The following SLC6A9 variants were observed in gnomAD, a reference collection of about 807,000 sequenced individuals.
SLC6A9 encodes the protein sodium- and chloride-dependent glycine transporter 1.
A neutral mutation model predicts 70.9 loss-of-function variants in SLC6A9; 31 were observed. That is an observed-to-expected ratio of 0.44 (90% CI 0.33 to 0.59). SLC6A9 has a LOEUF of 0.59. SLC6A9 is among the 20% of genes least tolerant of loss of function. The pLI is 0.04. For missense variants in SLC6A9, 631 were observed against 845.2 expected (o/e 0.75, Z 3.14); for synonymous variants, 310 against 341.3 (o/e 0.91, Z 1.01).
intron 2 of SLC6A9, chr1:44,017,170 T>TCC: frequency 6.3e-7 from 1 of 1,599,610 alleles, no homozygotes; most frequent in Non-Finnish European, 8.5e-7. Context: ...CACTGACGCA[T>TCC]CCCCTGCCTC....
intron 2 of SLC6A9, chr1:44,016,368 G>A (rs991837288): frequency 1.3e-5 from 2 of 152,368 alleles, no homozygotes; most frequent in African/African-American, 2.4e-5. Context: ...ATCCCACATC[G>A]CCTCAGAGGA....
chr1:44,014,006 G>A (rs2086658924), intron 2 of SLC6A9, among the ~76,000 whole-genome samples: 1 of 152,056 alleles, frequency 6.6e-6, no homozygotes, highest in Non-Finnish European at 1.5e-5. Flanking sequence ...ATCAGCTGAG[G>A]TACCCACGGA....
chr1:44,017,483 G>A, intron 2 of SLC6A9: 2 of 605,350 alleles, frequency 3.3e-6, no homozygotes, highest in Non-Finnish European at 4.6e-6. Context: ...GAGCCCACAG[G>A]CCTAGCACTG....
chr1:44,003,765 A>T (rs1008857706), intron 5 of SLC6A9, among the ~76,000 whole-genome samples: 1 of 151,778 alleles, frequency 6.6e-6, no homozygotes, highest in Non-Finnish European at 1.5e-5. Context: ...AAAAAAAAAA[A>T]AAAAAAAGAT....
chr1:44,001,552 G>A lies in SLC6A9; in HGVS notation c.1038C>T (p.Gly346=), dbSNP rs574665295. 14 of 1,614,270 alleles carry A rather than the reference G, an allele frequency of 8.7e-6. No homozygotes were observed. The South Asian group carries it at 8.8e-5, about 10-fold the overall frequency. The change falls in exon 9 of 14, where the codon GGC becomes GGT. Residue 346 remains glycine (G), a synonymous_variant. Transcript: ENST00000372310. ...YAGFVIFSIL[G]FMANHLGVDV... is the part of the protein sequence containing the mutation. ...CCACGCCCAGGTGATTGGCCATGAA[G>A]CCGAGGATGGAGAAGATGACGAAGC...
intron 2 of SLC6A9, among the ~76,000 whole-genome samples, chr1:44,011,124 C>A (rs2086551174): frequency 6.6e-6 from 1 of 152,222 alleles, no homozygotes; most frequent in African/African-American, 2.4e-5. Flanking sequence ...GTGCACAGCC[C>A]ACCTGAGGAG....
At chr1:44,011,966 GCCCCAAGGGGTC>G (rs2086588489) in intron 2 of SLC6A9, among the ~76,000 whole-genome samples, 1 of 152,156 alleles carries the variant, frequency 6.6e-6, no homozygotes, top group African/African-American at 2.4e-5. Flanking sequence ...GAGCCCAAGG[GCCCCAAGGGGTC>G]TCACTAAGGA....
chr1:43,998,072 C>A, intron 12 of SLC6A9, 47 bp from the exon 13 acceptor site: 1 of 1,541,422 alleles, frequency 6.5e-7, no homozygotes, highest in South Asian at 1.2e-5. Context: ...ACCCAGAGCC[C>A]AGACCCCAGG....
At position 44,001,618 on chromosome 1, in the gene SLC6A9, G is replaced by A. The variant is rs780168563; in HGVS notation, c.972C>T (p.Val324=). ...KFHNNCYRDS[V]IISITNCATS... ...TGGCACAGTTGGTGATGCTGATGAT[G>A]ACACTGTCCCTGATGGGGAGGAAAA... The change falls in exon 9 of 14, where the codon GTC becomes GTT. Residue 324 remains valine (V), a synonymous_variant. Coordinates refer to ENST00000372310, the MANE Select transcript of SLC6A9 (RefSeq NM_001024845.3). 1.2e-6 allele frequency: 2 copies of A among 1,612,500 alleles called. No homozygotes were observed. The highest frequency in any genetic ancestry group is 2.2e-5 in the South Asian group (2 of 90,866).
At chr1:44,022,718 C>CTTTTTTTTTTTTTTTTTTTT (rs777966364) in intron 2 of SLC6A9, among the ~76,000 whole-genome samples, 1 of 59,942 alleles carries the variant, frequency 1.7e-5, no homozygotes, top group Non-Finnish European at 3.3e-5. Flanking sequence ...TTCTTTCTTT[C>CTTTTTTTTTTTTTTTTTTTT]TTTCTTTTTT....
chr1:44,022,747 C>T (rs114868975), intron 2 of SLC6A9, among the ~76,000 whole-genome samples: 1,888 of 106,930 alleles, frequency 0.018, 50 homozygotes, highest in African/African-American at 0.058. Context: ...GAGACAGAGC[C>T]CTGCTCTATT....
Position 43,997,935 on chromosome 1 carries a change from T to C in SLC6A9, c.1627A>G (p.Met543Val). The part of the protein sequence containing the change: ...PGWAVAIGFL[M>V]ALSSVLCIPL... ...ATGCAGAGGACGGAGGACAGAGCCA[T>C]GAGGAAGCCAATGGCCACGGCCCAG... is the stretch of plus-strand genomic sequence containing the variant. Residue 543 changes from methionine to valine, a missense_variant, in exon 13 of 14, where the codon ATG becomes GTG. Physicochemically the swap from Met to Val is conservative, Grantham distance 21 (BLOSUM62 1). Transcript: ENST00000372310. This position sits in a 1 kb window ranked among gnomAD's most constrained non-coding sequence, Gnocchi z 4.4. 1 of 1,614,020 alleles carries C rather than the reference T, an allele frequency of 6.2e-7. No individual in the cohort carries two copies.
intron 2 of SLC6A9, among the ~76,000 whole-genome samples, chr1:44,012,108 C>A (rs527406863): frequency 6.6e-6 from 1 of 152,184 alleles, no homozygotes; most frequent in African/African-American, 2.4e-5. Context: ...GATGGAGCCC[C>A]GTAGCCTCAG....
rs373799403 is a variant in SLC6A9 at position 43,997,612 on chromosome 1, G to A, written c.1835C>T (p.Pro612Leu). ...CACAATGGGGATCTGCGCCTTGTCC[G>A]GGTGCAGTGGCTGGACCTCGAAGCC... The part of the protein sequence containing the change: ...EDGFEVQPLH[P>L]DKAQIPIVGS... Residue 612 changes from proline (P) to leucine (L), a missense_variant, in exon 14 of 14, where the codon CCG (proline) becomes CTG (leucine). Physicochemically the swap from Pro to Leu is moderately conservative, Grantham distance 98 (BLOSUM62 -3). Transcript: ENST00000372310. This position sits in a 1 kb window ranked among gnomAD's most constrained non-coding sequence, Gnocchi z 4.4. The A allele has an allele frequency of 3.2e-5, 52 of 1,613,876 alleles. No homozygotes were observed. The Admixed American group carries it at 3.7e-4, about 11-fold the overall frequency.
intron 1 of SLC6A9, among the ~76,000 whole-genome samples, chr1:44,030,123 C>G (rs1571926852): frequency 1.3e-5 from 2 of 151,990 alleles, no homozygotes; most frequent in South Asian, 4.1e-4. Context: ...TCCGCCGGCC[C>G]GAGGCGCGGA....
chr1:44,000,587 T>G (rs939356510), intron 12 of SLC6A9, among the ~76,000 whole-genome samples, 180 bp downstream of exon 12: 10 of 152,228 alleles, frequency 6.6e-5, no homozygotes, highest in African/African-American at 2.4e-4. Context: ...CAGGCAGCTC[T>G]GAGTCGCCAC....
rs528954555 is a variant in SLC6A9, at chr1:44,017,952, G to A, written c.30+6296C>T. ...GTGGGCTGGTAGGTCCAGTGGTGTC[G>A]TCACCATGACTATAGTCACCACTAC... On this transcript the variant is annotated intron_variant, in intron 2 of 13. Transcript: ENST00000372310. 6.6e-5 allele frequency among the ~76,000 whole-genome samples: 10 copies of A among 152,280 alleles called. No individual in the cohort carries two copies. The East Asian group carries it at 9.7e-4, about 15-fold the overall frequency.
intron 5 of SLC6A9, among the ~76,000 whole-genome samples, chr1:44,005,823 C>T (rs1400082732): frequency 6.6e-6 from 1 of 152,258 alleles, no homozygotes; most frequent in Non-Finnish European, 1.5e-5. Context: ...TTCCCTGGAT[C>T]TCCAGGAGAG....
rs369190548 is a variant in SLC6A9, at chr1:44,022,147, G to A, written c.30+2101C>T. On this transcript the variant is annotated intron_variant, in intron 2 of 13. Transcript: ENST00000372310. ...CATCCATAGACAGGCTGGCCGGGCC[G>A]ACCGGCAGAGCACAGTCCGGGAAGC... is the stretch of plus-strand genomic sequence containing the variant. Among the ~76,000 whole-genome samples, 387 of 152,332 alleles carry A rather than the reference G, an allele frequency of 2.5e-3. 1 individual carries two copies. Among genetic ancestry groups the A allele is most frequent in the African/African-American group, 8.8e-3 (367 of 41,586 alleles).
Sources: gnomAD v4.1 joint callset for allele counts (sites outside exome capture counted in the v4.1 genomes callset) on GRCh38, gnomAD v4.1.1 for gene constraint, Gnocchi (gnomAD v3.1) non-coding constraint, MANE v1.5 for transcripts, NCBI Gene and HGNC (gene_info 2026-07-23, HGNC 2026-07-21) for gene names.